Variants in PPP1R21 observed in about 807,000 individuals in gnomAD.
PPP1R21 encodes KLRAQ motif containing 1.
A neutral mutation model predicts 112.8 loss-of-function variants in PPP1R21; 85 were observed. That is an observed-to-expected ratio of 0.75 (90% CI 0.63 to 0.90). PPP1R21 has a LOEUF of 0.90. PPP1R21 is among the 40% of genes least tolerant of loss of function. PPP1R21 has a pLI of 0.00. For missense variants in PPP1R21, 1,199 were observed against 901.5 expected, an observed-to-expected ratio of 1.33 and a Z score of -4.23; for synonymous variants, 381 against 322.3, an observed-to-expected ratio of 1.18 and a Z score of -1.95.
At position 48,491,114 on chromosome 2, in the gene PPP1R21, G is replaced by A. The variant is rs201129594; in HGVS notation, c.1543G>A (p.Glu515Lys). The change falls in exon 15 of 22, where the codon GAA becomes AAA. Residue 515 changes from glutamate (E) to lysine (K), a missense_variant. Glu to Lys is a moderately conservative substitution (Grantham distance 56). Transcript: ENST00000294952. ...ASGFISPLSAECMLQYKKKAA... is the reference protein window; with the variant it reads ...ASGFISPLSAKCMLQYKKKAA... ...TGGATTCATTAGTCCTCTTTCAGCT[G>A]AATGCATGCTACAGTATAAGAAAAA... 1.9e-4 allele frequency: 310 copies of A among 1,614,140 alleles called. 1 individual carries two copies. The East Asian group carries it at 6.5e-3, about 34-fold the overall frequency.
At chr2:48,468,825 A>ATGTGTGTGTG (rs757951323) in intron 9 of PPP1R21, among the ~76,000 whole-genome samples, 46 of 43,950 alleles carry the variant, frequency 1.0e-3, no homozygotes, top group Admixed American at 3.5e-3. Context: ...AAGAAAAAAA[A>ATGTGTGTGTG]TGTATGTGTG....
intron 19 of PPP1R21, among the ~76,000 whole-genome samples, chr2:48,508,543 A>G (rs1309320717): frequency 6.6e-6 from 1 of 152,208 alleles, no homozygotes; most frequent in Non-Finnish European, 1.5e-5. Flanking sequence ...GTTGGAATGC[A>G]GGAAAGGGGG....
intron 16 of PPP1R21, among the ~76,000 whole-genome samples, chr2:48,498,276 GTT>G (rs200883214): frequency 2.0e-5 from 3 of 148,290 alleles, no homozygotes; most frequent in East Asian, 2.0e-4. Flanking sequence ...AATGAGTAGA[GTT>G]TTTTTTTTTA....
At chr2:48,477,937 A>G (rs1399539243) in intron 12 of PPP1R21, among the ~76,000 whole-genome samples, 2 of 152,226 alleles carry the variant, frequency 1.3e-5, no homozygotes, top group Non-Finnish European at 2.9e-5. Flanking sequence ...AGATGAGGTC[A>G]TACTGGATTA....
intron 13 of PPP1R21, among the ~76,000 whole-genome samples, chr2:48,482,190 G>C (rs1260046320): frequency 6.6e-6 from 1 of 152,162 alleles, no homozygotes; most frequent in African/African-American, 2.4e-5. Flanking sequence ...AATTAAAACA[G>C]GAGTGACTCA....
At chr2:48,446,276 A>C (rs1188722255) in intron 1 of PPP1R21, among the ~76,000 whole-genome samples, 1 of 152,164 alleles carries the variant, frequency 6.6e-6, no homozygotes, top group Non-Finnish European at 1.5e-5. Flanking sequence ...TTAGCCTATC[A>C]CATATTGTCA....
chr2:48,489,459 C>T (rs921119577), intron 14 of PPP1R21, among the ~76,000 whole-genome samples: 13 of 151,428 alleles, frequency 8.6e-5, no homozygotes, highest in South Asian at 4.3e-4. Flanking sequence ...CCTCCTACCT[C>T]GGTCTCCCAA....
At chr2:48,511,570 T>G (rs866335816) in intron 21 of PPP1R21, 102 bp downstream of exon 21, 25 of 1,435,228 alleles carry the variant, frequency 1.7e-5, no homozygotes, top group Admixed American at 2.0e-5. Context: ...AGATTTAAAG[T>G]GTTTGTAAGG....
intron 2 of PPP1R21, among the ~76,000 whole-genome samples, chr2:48,453,978 G>A (rs1484038483): frequency 2.6e-5 from 4 of 152,032 alleles, no homozygotes; most frequent in Non-Finnish European, 5.9e-5. Context: ...TCTAAGTTTG[G>A]CCAGGCATGG....
intron 16 of PPP1R21, 182 bp downstream of exon 16, chr2:48,495,953 C>G: frequency 1.8e-6 from 1 of 553,226 alleles, no homozygotes; most frequent in Non-Finnish European, 3.2e-6. Flanking sequence ...TGTTGACACT[C>G]TAAGTCATCT....
rs1380988531 is a variant in PPP1R21, at chr2:48,515,241, T to TCTCTCTCTCTCTCTCTCTCTTC, written c.*503_*504insCTCTCTCTCTCTCTTCCTCTCT. ...TTCTCTCTCTCTCTCTCTCTCTCTCTCTCTCTTCTTTCTCTCTGAGGGAGA... is the reference window on the plus strand; with the variant it reads ...TTCTCTCTCTCTCTCTCTCTCTCTCTCTCTCTCTCTCTCTCTCTCTTCCTCTCTTCTTTCTCTCTGAGGGAGA... On this transcript the variant is annotated 3_prime_UTR_variant, in exon 22 of 22. Coordinates refer to ENST00000294952, the MANE Select transcript of PPP1R21 (RefSeq NM_001135629.3). 1.3e-5 allele frequency: 2 copies of TCTCTCTCTCTCTCTCTCTCTTC among 153,546 alleles called. No homozygotes were observed. Among genetic ancestry groups the TCTCTCTCTCTCTCTCTCTCTTC allele is most frequent in the African/African-American group, 4.8e-5 (2 of 41,344 alleles). 9.5% of individuals were successfully genotyped at this position (153,546 alleles called of 1,614,324 possible).
chr2:48,486,599 A>G (rs370368211), intron 13 of PPP1R21, 32 bp from the exon 14 acceptor site: 39 of 1,521,866 alleles, frequency 2.6e-5, no homozygotes, highest in Middle Eastern at 1.7e-4. Context: ...ATATATAGAT[A>G]ATAATGAATT....
chr2:48,488,951 T>A (rs1044756521), intron 14 of PPP1R21, among the ~76,000 whole-genome samples: 1 of 152,212 alleles, frequency 6.6e-6, no homozygotes, highest in Non-Finnish European at 1.5e-5. Flanking sequence ...GCAAACACTG[T>A]GTGAATCCAT....
At chr2:48,513,870 T>C (rs927203663) in intron 21 of PPP1R21, among the ~76,000 whole-genome samples, 4 of 152,108 alleles carry the variant, frequency 2.6e-5, no homozygotes, top group East Asian at 1.9e-4. Flanking sequence ...ATAAAAATTA[T>C]ACAAAACTAG....
intron 7 of PPP1R21, among the ~76,000 whole-genome samples, chr2:48,464,394 T>C (rs1668109369): frequency 2.6e-5 from 4 of 152,000 alleles, no homozygotes; most frequent in East Asian, 1.9e-4. Flanking sequence ...TGAGGAGGTA[T>C]GGCTAGGTAG....
intron 17 of PPP1R21, among the ~76,000 whole-genome samples, chr2:48,504,371 G>A (rs1427213998): frequency 3.3e-5 from 5 of 152,128 alleles, no homozygotes; most frequent in South Asian, 2.1e-4. Context: ...GACTGGGTGC[G>A]GTGGCTCTTG....
At chr2:48,467,832 A>AGTC (rs1668272060) in intron 9 of PPP1R21, among the ~76,000 whole-genome samples, 1 of 152,214 alleles carries the variant, frequency 6.6e-6, no homozygotes, top group Non-Finnish European at 1.5e-5. Flanking sequence ...GCCATCTTAG[A>AGTC]AGCTGACTCT....
intron 13 of PPP1R21, among the ~76,000 whole-genome samples, chr2:48,486,088 A>G (rs925304516): frequency 6.6e-6 from 1 of 151,404 alleles, no homozygotes; most frequent in Non-Finnish European, 1.5e-5. Context: ...TGGACTGGAG[A>G]CAGTTGCATA....
intron 13 of PPP1R21, among the ~76,000 whole-genome samples, chr2:48,484,727 G>A (rs1669198128): frequency 6.6e-6 from 1 of 152,106 alleles, no homozygotes; most frequent in Non-Finnish European, 1.5e-5. Context: ...TGTTGGCCAG[G>A]CTGGTCTTGA....
Sources: allele counts gnomAD v4.1 joint callset (sites outside exome capture counted in the v4.1 genomes callset), GRCh38; gene constraint gnomAD v4.1.1; transcripts MANE v1.5; gene names NCBI Gene and HGNC (gene_info 2026-07-23, HGNC 2026-07-21).